The following RANBP2 variants were observed in gnomAD, a reference collection of about 807,000 sequenced individuals.
RANBP2 encodes the protein RAN binding protein 2.
In RANBP2, 57 loss-of-function variants were observed where a neutral mutation model predicts 303.6. The observed-to-expected ratio is 0.19, with a 90% confidence interval of 0.15 to 0.23. The LOEUF is 0.23. Among genes scored for constraint, RANBP2 ranks in the 10% least tolerant of loss-of-function variants. RANBP2 has a pLI of 1.00. For synonymous variants in RANBP2, 1,167 were observed against 1,301.5 expected, an observed-to-expected ratio of 0.90 and a Z score of 2.23; for missense variants, 3,138 against 3,780.8, an observed-to-expected ratio of 0.83 and a Z score of 4.46.
chr2:109,442,499 T>C, the RANBP2 span, among the ~76,000 whole-genome samples: 1,717 of 152,244 alleles, frequency 0.011, 36 homozygotes, highest in African/African-American at 0.038. Context: ...AAAATATAAT[T>C]GACTGTTTAA....
Position 108,785,663 on chromosome 2 carries a change from A to T in RANBP2, c.*1762A>T, listed in dbSNP as rs983557596. ...ATTTATGAGAAAGTCTTTGTGTCAC[A>T]TTTCAGGAAAGGACTTTGATTTCTC... On this transcript the variant is annotated 3_prime_UTR_variant, in exon 29 of 29. Coordinates refer to ENST00000283195, the MANE Select transcript of RANBP2 (RefSeq NM_006267.5). The T allele has an allele frequency of 1.3e-5, 2 of 152,190 alleles. No homozygotes were observed. Among genetic ancestry groups the T allele is most frequent in the Non-Finnish European group, 2.9e-5 (2 of 68,022 alleles). The allele number at this position is 152,190 out of a possible 1,614,324, so 9.4% of individuals were successfully genotyped here.
At chr2:108,996,224 C>G in the RANBP2 span, among the ~76,000 whole-genome samples, 1 of 152,146 alleles carries the variant, frequency 6.6e-6, no homozygotes, top group Non-Finnish European at 1.5e-5. Context: ...CTGGTGTTGA[C>G]CAGGTTTGAA....
the RANBP2 span, among the ~76,000 whole-genome samples, chr2:108,913,550 C>T: frequency 5.9e-5 from 9 of 152,076 alleles, no homozygotes; most frequent in South Asian, 2.1e-4. Flanking sequence ...TGGTGGCTCA[C>T]GCCTGTAATC....
At chr2:109,572,486 T>C in the RANBP2 span, among the ~76,000 whole-genome samples, 5 of 152,070 alleles carry the variant, frequency 3.3e-5, no homozygotes, top group South Asian at 8.3e-4. Context: ...CAGGGCCACA[T>C]AGCTGCTAAG....
the RANBP2 span, chr2:109,490,520 T>C: frequency 9.0e-7 from 1 of 1,113,326 alleles, no homozygotes. Flanking sequence ...AAGTTCCACA[T>C]AGGAAGATGC....
At chr2:109,115,906 AT>A in the RANBP2 span, among the ~76,000 whole-genome samples, 50 of 152,332 alleles carry the variant, frequency 3.3e-4, 1 homozygote, top group East Asian at 8.7e-3. Flanking sequence ...GTTTGGCTGG[AT>A]ATGAAATTCT....
the RANBP2 span, among the ~76,000 whole-genome samples, chr2:108,898,569 A>G: frequency 0.041 from 6,268 of 152,248 alleles, 435 homozygotes; most frequent in African/African-American, 0.14. Context: ...ACCAAGAACC[A>G]AGAAGATGTC....
the RANBP2 span, among the ~76,000 whole-genome samples, chr2:109,097,719 A>G: frequency 6.9e-6 from 1 of 145,824 alleles, no homozygotes; most frequent in Non-Finnish European, 1.5e-5. Flanking sequence ...ATATATGTTT[A>G]AATATGATGT....
chr2:108,990,153 C>T, the RANBP2 span, among the ~76,000 whole-genome samples: 2 of 152,054 alleles, frequency 1.3e-5, no homozygotes, highest in African/African-American at 2.4e-5. Context: ...AAAATTAGGC[C>T]GGGCGCGGTG....
At chr2:108,799,506 A>C in the RANBP2 span, among the ~76,000 whole-genome samples, 1 of 152,206 alleles carries the variant, frequency 6.6e-6, no homozygotes, top group African/African-American at 2.4e-5. Context: ...TTTCTGTCCC[A>C]GTACATCTGC....
the RANBP2 span, among the ~76,000 whole-genome samples, chr2:108,857,888 ATGGC>A: frequency 6.6e-6 from 1 of 152,274 alleles, no homozygotes; most frequent in Non-Finnish European, 1.5e-5. Context: ...TATGACAGAG[ATGGC>A]ATCTTTCTCG....
At chr2:108,925,799 T>C in the RANBP2 span, among the ~76,000 whole-genome samples, 45 of 152,206 alleles carry the variant, frequency 3.0e-4, 1 homozygote, top group African/African-American at 9.9e-4. Flanking sequence ...TATATTTTAA[T>C]AGAGATGGGG....
At chr2:109,720,296 T>C in the RANBP2 span, among the ~76,000 whole-genome samples, 59 of 97,668 alleles carry the variant, frequency 6.0e-4, no homozygotes, top group South Asian at 1.7e-3. Flanking sequence ...CACACACACA[T>C]ATATATATAT....
rs1573859262 is a variant in RANBP2 at position 108,782,785 on chromosome 2, G to T, written c.9292G>T (p.Ala3098Ser). Reference protein sequence around the residue: ...IVPRTAENFRALCTGEKGFGF... With the variant: ...IVPRTAENFRSLCTGEKGFGF... ...TCCTCGGACTGCTGAGAACTTCAGA[G>T]CACTATGCACTGGAGAGAAAGGCTT... is the stretch of plus-strand genomic sequence containing the variant. The change falls in exon 28 of 29, where the codon GCA (alanine) becomes TCA (serine). Residue 3098 changes from alanine to serine, a missense_variant. By Grantham distance (99) the Ala-to-Ser change is moderately conservative (BLOSUM62 1). Coordinates refer to ENST00000283195, the MANE Select transcript of RANBP2 (RefSeq NM_006267.5). 6.2e-7 allele frequency: 1 copy of T among 1,614,166 alleles called. No homozygotes were observed. Among genetic ancestry groups the T allele is most frequent in the Non-Finnish European group, 8.5e-7 (1 of 1,180,026 alleles).
At chr2:109,013,294 C>T in the RANBP2 span, among the ~76,000 whole-genome samples, 37 of 152,326 alleles carry the variant, frequency 2.4e-4, no homozygotes, top group East Asian at 7.1e-3. Flanking sequence ...TCATCAGTTA[C>T]TGCCTCACCA....
chr2:108,727,145 T>G (rs1328771816), intron 1 of RANBP2, among the ~76,000 whole-genome samples: 1 of 152,136 alleles, frequency 6.6e-6, no homozygotes, highest in South Asian at 2.1e-4. Flanking sequence ...AATGAGCTGT[T>G]GAGTACACCT....
chr2:109,591,916 A>G, the RANBP2 span, among the ~76,000 whole-genome samples: 9 of 152,152 alleles, frequency 5.9e-5, no homozygotes, highest in African/African-American at 2.2e-4. Context: ...CAAACAAAAT[A>G]AAAAACAACT....
chr2:108,930,321 A>G, the RANBP2 span: 4 of 1,594,456 alleles, frequency 2.5e-6, no homozygotes, highest in Non-Finnish European at 3.4e-6. Context: ...CAAGGTTGAC[A>G]TAGGAAGGGG....
At chr2:109,356,484 T>C in the RANBP2 span, among the ~76,000 whole-genome samples, 20 of 152,316 alleles carry the variant, frequency 1.3e-4, no homozygotes, top group African/African-American at 4.3e-4. Context: ...AGATGCCACA[T>C]ATGGCAGCCT....
Sources: allele counts gnomAD v4.1 joint callset (sites outside exome capture counted in the v4.1 genomes callset), GRCh38; gene constraint gnomAD v4.1.1; transcripts MANE v1.5; gene names NCBI Gene and HGNC (gene_info 2026-07-23, HGNC 2026-07-21).